The following RBMS3 variants were observed in gnomAD, a reference collection of about 807,000 sequenced individuals.
RBMS3 encodes RNA binding motif single stranded interacting protein 3.
Under a neutral mutation model 66.8 loss-of-function variants are expected in RBMS3, and 27 were observed. The ratio of observed to expected loss-of-function variants is 0.40; its 90% confidence interval spans 0.30 to 0.56. The LOEUF (loss-of-function observed/expected upper bound fraction) is 0.56, where lower values mean the gene tolerates loss of function less well. Ranked by LOEUF, RBMS3 falls within the 20% of genes least tolerant of loss-of-function variation. RBMS3 has a pLI of 0.40. For missense variants in RBMS3, 513 were observed against 549.5 expected, an observed-to-expected ratio of 0.93 and a Z score of 0.66; for synonymous variants, 188 against 183.0, an observed-to-expected ratio of 1.03 and a Z score of -0.22.
rs548989572 is a variant in RBMS3 at position 29,439,569 on chromosome 3, T to G, written c.248+4654T>G. Among the ~76,000 whole-genome samples, 3 of 150,422 alleles carry G rather than the reference T, an allele frequency of 2.0e-5. No homozygotes were observed. The South Asian group carries it at 6.3e-4, about 32-fold the overall frequency. On this transcript the variant is annotated intron_variant, in intron 2 of 14. Transcript: ENST00000383767. ...AAAGTAGCACAGAATAGAACCCAAA[T>G]GAGTTGATTTTTAGTTAATCTCTTT...
chr3:29,934,797 A>G (rs1032702876), intron 10 of RBMS3, among the ~76,000 whole-genome samples: 14 of 152,112 alleles, frequency 9.2e-5, no homozygotes, highest in African/African-American at 3.1e-4. Flanking sequence ...CTGAAAATTA[A>G]TGGGGAGGAG....
At chr3:29,847,853 T>C (rs2058826675) in intron 6 of RBMS3, among the ~76,000 whole-genome samples, 1 of 152,096 alleles carries the variant, frequency 6.6e-6, no homozygotes, top group Admixed American at 6.5e-5. Context: ...AGACGGGGTG[T>C]CACCGTGTTA....
At chr3:29,677,264 C>A (rs542676467) in intron 4 of RBMS3, among the ~76,000 whole-genome samples, 8 of 152,234 alleles carry the variant, frequency 5.3e-5, no homozygotes, top group African/African-American at 1.9e-4. Context: ...AAATCCAAAC[C>A]ATATCACTTG....
At chr3:29,911,022 C>G (rs567076790) in intron 10 of RBMS3, among the ~76,000 whole-genome samples, 44 of 152,068 alleles carry the variant, frequency 2.9e-4, no homozygotes, top group African/African-American at 1.1e-3. Context: ...ACAAATAATT[C>G]TAATATGTTC....
intron 4 of RBMS3, among the ~76,000 whole-genome samples, chr3:29,665,973 G>C (rs1312763194): frequency 6.6e-6 from 1 of 152,002 alleles, no homozygotes; most frequent in Non-Finnish European, 1.5e-5. Context: ...AATCTAAAAG[G>C]CTCGTCTACA....
At chr3:29,301,387 A>C (rs1314864502) in intron 1 of RBMS3, among the ~76,000 whole-genome samples, 1 of 152,018 alleles carries the variant, frequency 6.6e-6, no homozygotes, top group African/African-American at 2.4e-5. Context: ...AATAATTCGT[A>C]ACTAACAAGA....
At chr3:29,763,465 C>G (rs9828025) in intron 6 of RBMS3, among the ~76,000 whole-genome samples, 73,063 of 151,748 alleles carry the variant, frequency 0.48, 18,221 homozygotes, top group African/African-American at 0.61. Flanking sequence ...CATGAAATCT[C>G]AGTGCATAAT....
At chr3:29,336,492 T>C (rs954805441) in intron 1 of RBMS3, among the ~76,000 whole-genome samples, 1 of 152,008 alleles carries the variant, frequency 6.6e-6, no homozygotes, top group African/African-American at 2.4e-5. Context: ...TGTGAGACGG[T>C]GTTTGTGGCC....
chr3:29,741,868 C>A (rs1198316683), intron 5 of RBMS3, among the ~76,000 whole-genome samples: 2 of 152,120 alleles, frequency 1.3e-5, no homozygotes, highest in African/African-American at 4.8e-5. Flanking sequence ...TCCTTCTGTG[C>A]ATGCCTGTGT....
Position 29,529,689 on chromosome 3 carries a change from T to G in RBMS3, c.307+41190T>G, listed in dbSNP as rs145977280. On this transcript the variant is annotated intron_variant, in intron 3 of 14. Transcript: ENST00000383767. ...ACAACATGAGCACTATAGATGTGAG[T>G]GTTTTGGTGAGGTCTAAGGATCAAT... 2.0e-3 allele frequency among the ~76,000 whole-genome samples: 308 copies of G among 152,184 alleles called. 1 individual carries two copies. Among genetic ancestry groups the G allele is most frequent in the African/African-American group, 7.1e-3 (293 of 41,522 alleles).
chr3:29,703,825 C>G lies in RBMS3; in HGVS notation c.400-35895C>G, dbSNP rs560205929. Among the ~76,000 whole-genome samples the G allele has an allele frequency of 5.9e-5, 9 of 152,188 alleles. No homozygotes were observed. The South Asian group carries it at 1.5e-3, about 25-fold the overall frequency. On this transcript the variant is annotated intron_variant, in intron 4 of 14. Transcript: ENST00000383767. Reference sequence around the variant, plus strand: ...TGGGCCACACAGGTAGGAACTGGGCCGCACGGCTGGAGATGAGTGCTGGGC... The same window carrying G: ...TGGGCCACACAGGTAGGAACTGGGCGGCACGGCTGGAGATGAGTGCTGGGC...
At chr3:29,500,104 T>C (rs536022276) in intron 3 of RBMS3, among the ~76,000 whole-genome samples, 12 of 150,230 alleles carry the variant, frequency 8.0e-5, no homozygotes, top group Non-Finnish European at 1.5e-4. Flanking sequence ...TTACATAAGG[T>C]AGAATTTGTA....
At chr3:29,523,934 C>T (rs558110729) in intron 3 of RBMS3, among the ~76,000 whole-genome samples, 98 of 151,884 alleles carry the variant, frequency 6.5e-4, no homozygotes, top group African/African-American at 2.2e-3. Flanking sequence ...ATGAGGTCCC[C>T]GTATGTTGCC....
chr3:29,766,420 T>C (rs767740902), intron 6 of RBMS3: 1 of 151,968 alleles, frequency 6.6e-6, no homozygotes, highest in Non-Finnish European at 1.5e-5. Flanking sequence ...TGCAAGGACA[T>C]GTAACACTGA....
At chr3:29,778,615 T>G (rs1486119263) in intron 6 of RBMS3, among the ~76,000 whole-genome samples, 1 of 151,832 alleles carries the variant, frequency 6.6e-6, no homozygotes, top group African/African-American at 2.4e-5. Flanking sequence ...TACATACTAG[T>G]AATGACAGTA....
In RBMS3 at chr3:29,938,723, A is replaced by C. The variant is rs1040522933; in HGVS notation, c.1050+2527A>C. ...TTCTACCTTATTGCATCTTTCCAAC[A>C]TTTTCATTGATGGGGAAGGAATCCT... On this transcript the variant is annotated intron_variant, in intron 11 of 14. Coordinates refer to ENST00000383767, the MANE Select transcript of RBMS3 (RefSeq NM_001003793.3). Among the ~76,000 whole-genome samples the C allele has an allele frequency of 8.6e-5, 13 of 151,868 alleles. 1 individual carries two copies. The highest frequency in any genetic ancestry group is 7.9e-4 in the Admixed American group (12 of 15,216).
At chr3:29,967,851 C>G (rs1432478587) in intron 12 of RBMS3, among the ~76,000 whole-genome samples, 1 of 152,070 alleles carries the variant, frequency 6.6e-6, no homozygotes, top group Admixed American at 6.6e-5. Context: ...TGGATTTTCT[C>G]TCTTCTTTTC....
intron 10 of RBMS3, among the ~76,000 whole-genome samples, chr3:29,912,141 A>T (rs1202139459): frequency 6.6e-6 from 1 of 152,004 alleles, no homozygotes; most frequent in South Asian, 2.1e-4. Context: ...CTGGGACATG[A>T]CACTAGTTCT....
In RBMS3 at chr3:29,918,606, A is replaced by C. The variant is rs573847209; in HGVS notation, c.940-17480A>C. ...ATAATCACTGAATAAGACCCACCTT[A>C]ATGTTATAAATATTGTAGCGCTATT... On this transcript the variant is annotated intron_variant, in intron 10 of 14. Transcript: ENST00000383767. 7.2e-5 allele frequency among the ~76,000 whole-genome samples: 11 copies of C among 152,212 alleles called. No homozygotes were observed. The East Asian group carries it at 1.5e-3, about 21-fold the overall frequency.
Sources: gnomAD v4.1 joint callset for allele counts (sites outside exome capture counted in the v4.1 genomes callset) on GRCh38, gnomAD v4.1.1 for gene constraint, MANE v1.5 for transcripts, NCBI Gene and HGNC (gene_info 2026-07-23, HGNC 2026-07-21) for gene names.